Variants in NEU3 observed in about 807,000 individuals in gnomAD.
NEU3 encodes the protein neuraminidase 3, also known as sialidase-3.
In NEU3, 10 loss-of-function variants were observed where a neutral mutation model predicts 11.4. That is an observed-to-expected ratio of 0.88 (90% CI 0.54 to 1.49). NEU3 has a LOEUF of 1.49. Ranked by LOEUF, NEU3 falls within the 40% of genes most tolerant of loss-of-function variation. The probability of loss-of-function intolerance (pLI) is 0.00; values close to 1 mark genes in which losing one functional copy is unlikely to be tolerated. For missense variants in NEU3, 529 were observed against 581.8 expected (o/e 0.91, Z 0.93); for synonymous variants, 212 against 228.2 (o/e 0.93, Z 0.64).
Position 75,006,991 on chromosome 11 carries a change from G to C in NEU3, c.*499G>C, listed in dbSNP as rs919476713. The C allele has an allele frequency of 1.9e-5, 3 of 154,168 alleles. No homozygotes were observed. The highest frequency in any genetic ancestry group is 7.3e-5 in the African/African-American group (3 of 41,376). The allele number at this position is 154,168 out of a possible 1,614,324, so 9.6% of individuals were successfully genotyped here. On this transcript the variant is annotated 3_prime_UTR_variant, in exon 3 of 3. Transcript: ENST00000294064. ...GCAGGAAGGAAGACCAGATCTGTATGATTTGTTCCATTTTTAATAACAAAA... is the reference window on the plus strand; with the variant it reads ...GCAGGAAGGAAGACCAGATCTGTATCATTTGTTCCATTTTTAATAACAAAA...
At chr11:74,986,588 AGTTT>A (rs1948667049), upstream of NEU3, among the ~76,000 whole-genome samples, 2 of 152,304 alleles carry the variant, frequency 1.3e-5, no homozygotes, top group Admixed American at 1.3e-4. Flanking sequence ...TAAGGAATAA[AGTTT>A]GTTTAATATT....
intron 2 of NEU3, among the ~76,000 whole-genome samples, 196 bp from the exon 3 acceptor site, chr11:75,005,217 A>T (rs1415447972): frequency 6.6e-6 from 1 of 152,216 alleles, no homozygotes; most frequent in Non-Finnish European, 1.5e-5. Flanking sequence ...AGCTTGTACA[A>T]CATTTAGCAT....
In NEU3 at chr11:75,005,544, G is replaced by C. The variant is rs199928356; in HGVS notation, c.438G>C (p.Glu146Asp). 236 of 1,613,994 alleles carry C rather than the reference G, an allele frequency of 1.5e-4. No individual in the cohort carries two copies. In the African/African-American group the frequency reaches 2.9e-3, roughly 20 times the overall value. ...FFICVRGHVT[E>D]RQQIVSGRNA... Reference sequence around the variant, plus strand: ...TCTGTGTGCGGGGCCATGTCACAGAGCGTCAACAGATTGTGTCAGGCAGGA... The same window carrying C: ...TCTGTGTGCGGGGCCATGTCACAGACCGTCAACAGATTGTGTCAGGCAGGA... Residue 146 changes from glutamate (E) to aspartate (D), a missense_variant, in exon 3 of 3, where the codon GAG (glutamate) becomes GAC (aspartate). Physicochemically the swap from Glu to Asp is conservative, Grantham distance 45 (BLOSUM62 2). Coordinates refer to ENST00000294064, the MANE Select transcript of NEU3 (RefSeq NM_006656.6).
intron 1 of NEU3, among the ~76,000 whole-genome samples, chr11:74,990,606 C>T (rs956549540): frequency 1.3e-4 from 20 of 152,216 alleles, no homozygotes; most frequent in Non-Finnish European, 2.5e-4. Flanking sequence ...GTGATCTGCC[C>T]ACCTCAGCCT....
intron 2 of NEU3, among the ~76,000 whole-genome samples, chr11:75,001,274 C>CTTTTTTTTTTCTTTTTTTTTTTTTTT (rs1267620621): frequency 7.2e-6 from 1 of 139,436 alleles, no homozygotes; most frequent in Non-Finnish European, 1.6e-5. Context: ...TTTTCTTTTT[C>CTTTTTTTTTTCTTTTTTTTTTTTTTT]TTTTTTTTTT....
rs538918181 is a variant in NEU3 at position 75,008,659 on chromosome 11, A to G, written c.*2167A>G. 3.3e-5 allele frequency: 5 copies of G among 151,710 alleles called. No homozygotes were observed. Among genetic ancestry groups the G allele is most frequent in the Middle Eastern group, 3.4e-3 (1 of 294 alleles). 9.4% of individuals were successfully genotyped at this position (151,710 alleles called of 1,614,324 possible). ...AGTCTCCGCCTCCTGGGTTCAAGCA[A>G]TTCTCCTGCCTCAGCCTCCCAAGTA... On this transcript the variant is annotated 3_prime_UTR_variant, in exon 3 of 3. Coordinates refer to ENST00000294064, the MANE Select transcript of NEU3 (RefSeq NM_006656.6).
chr11:75,015,015 C>T (rs557409512), downstream of NEU3, among the ~76,000 whole-genome samples: 125 of 152,242 alleles, frequency 8.2e-4, no homozygotes, highest in Non-Finnish European at 1.4e-3. Context: ...TTTTTTCCTA[C>T]AGTAATCATA....
At chr11:74,981,400 G>C in the NEU3 span, among the ~76,000 whole-genome samples, 1 of 152,158 alleles carries the variant, frequency 6.6e-6, no homozygotes, top group African/African-American at 2.4e-5. Flanking sequence ...CATTCTTCTT[G>C]GGCTGTACCT....
intron 1 of NEU3, among the ~76,000 whole-genome samples, chr11:74,990,994 C>A (rs1948725872): frequency 1.3e-5 from 2 of 152,106 alleles, no homozygotes; most frequent in African/African-American, 4.8e-5. Context: ...ATGTCATAGG[C>A]CTTGTAATAG....
downstream of NEU3, among the ~76,000 whole-genome samples, chr11:75,012,973 T>C (rs1043302154): frequency 2.0e-5 from 3 of 152,270 alleles, no homozygotes; most frequent in African/African-American, 7.2e-5. Context: ...GGAGCTTTAA[T>C]GGCTTTGTTA....
At chr11:74,984,480 C>G (rs1416393040), upstream of NEU3, among the ~76,000 whole-genome samples, 1 of 152,138 alleles carries the variant, frequency 6.6e-6, no homozygotes, top group Non-Finnish European at 1.5e-5. Context: ...AACAAACTAT[C>G]CTTTTTACAG....
Position 75,005,600 on chromosome 11 carries a change from A to C in NEU3, c.494A>C (p.Gln165Pro), listed in dbSNP as rs373749925. 4.5e-5 allele frequency: 73 copies of C among 1,614,030 alleles called. 1 individual carries two copies. The Middle Eastern group carries it at 3.1e-3, about 69-fold the overall frequency. ...GCCCGCCTTTGCTTCATCTACAGTC[A>C]GGATGCTGGATGTTCATGGAGTGAG... is the stretch of plus-strand genomic sequence containing the variant. The part of the protein sequence containing the change: ...NAARLCFIYS[Q>P]DAGCSWSEVR... Residue 165 changes from glutamine to proline, a missense_variant, in exon 3 of 3, where the codon CAG becomes CCG. Coordinates refer to ENST00000294064, the MANE Select transcript of NEU3 (RefSeq NM_006656.6).
At chr11:74,995,646 A>G (rs1286172856) in intron 2 of NEU3, among the ~76,000 whole-genome samples, 1 of 152,218 alleles carries the variant, frequency 6.6e-6, no homozygotes, top group East Asian at 1.9e-4. Flanking sequence ...ATGTCTAACA[A>G]AAAGTACACA....
chr11:75,013,375 A>G (rs1948968121), downstream of NEU3, among the ~76,000 whole-genome samples: 1 of 152,220 alleles, frequency 6.6e-6, no homozygotes, highest in Non-Finnish European at 1.5e-5. Context: ...ATCCTTCAGC[A>G]CTGGCAAGAT....
chr11:74,986,206 A>G (rs1948664612), upstream of NEU3, among the ~76,000 whole-genome samples: 2 of 152,088 alleles, frequency 1.3e-5, no homozygotes, highest in South Asian at 4.2e-4. Flanking sequence ...GTTAAACATG[A>G]CAGTTTATTT....
upstream of NEU3, among the ~76,000 whole-genome samples, chr11:74,983,588 C>G (rs1308565538): frequency 1.3e-5 from 2 of 152,202 alleles, no homozygotes; most frequent in Non-Finnish European, 2.9e-5. Context: ...GTAACTGATT[C>G]ATTTATGCAT....
chr11:74,988,804 G>T, upstream of NEU3: 3 of 522,196 alleles, frequency 5.7e-6, no homozygotes, highest in Non-Finnish European at 1.0e-5. Context: ...CGAGCTGCGG[G>T]CTGGAGGGAG....
At chr11:74,996,867 T>G (rs188408768) in intron 2 of NEU3, among the ~76,000 whole-genome samples, 349 of 152,374 alleles carry the variant, frequency 2.3e-3, no homozygotes, top group African/African-American at 8.2e-3. Context: ...TCAGAGCTCC[T>G]GGATGACAAG....
intron 2 of NEU3, among the ~76,000 whole-genome samples, chr11:75,003,282 G>A (rs971630548): frequency 5.3e-5 from 8 of 152,194 alleles, no homozygotes; most frequent in African/African-American, 1.9e-4. Context: ...GTTGTCAAAT[G>A]ACTTGCTCAG....
Sources: gnomAD v4.1 joint callset for allele counts (sites outside exome capture counted in the v4.1 genomes callset) on GRCh38, gnomAD v4.1.1 for gene constraint, MANE v1.5 for transcripts, NCBI Gene and HGNC (gene_info 2026-07-23, HGNC 2026-07-21) for gene names.